Variants in MFAP2 observed in about 807,000 individuals in gnomAD.
MFAP2 encodes microfibril associated protein 2.
A neutral mutation model predicts 30.6 loss-of-function variants in MFAP2; 23 were observed. That is an observed-to-expected ratio of 0.75 (90% CI 0.54 to 1.07). The LOEUF (loss-of-function observed/expected upper bound fraction) is 1.07. MFAP2 is among the 50% of genes least tolerant of loss of function. The pLI, the probability that MFAP2 is intolerant of heterozygous loss-of-function variation, is 0.00. For missense variants in MFAP2, 198 were observed against 223.8 expected, an observed-to-expected ratio of 0.88 and a Z score of 0.74; for synonymous variants, 73 against 85.7, an observed-to-expected ratio of 0.85 and a Z score of 0.82.
intron 1 of MFAP2, among the ~76,000 whole-genome samples, chr1:16,980,267 A>ACACCCCCCCCCCCCCCCCC (rs1557656639): frequency 5.0e-5 from 4 of 80,298 alleles, no homozygotes; most frequent in African/African-American, 2.0e-4. Flanking sequence ...TTCCCACCGG[A>ACACCCCCCCCCCCCCCCCC]CCCCCCCCCC....
chr1:16,975,170 G>T lies in MFAP2; in HGVS notation c.448+99C>A. 7.6e-7 allele frequency: 1 copy of T among 1,312,630 alleles called. No homozygotes were observed. The highest frequency in any genetic ancestry group is 1.1e-6 in the Non-Finnish European group (1 of 925,364). The allele number at this position is 1,312,630 out of a possible 1,614,324, so 81.3% of individuals were successfully genotyped here. ...GGGTGTCCTGGAAGTGGGCCTGGTG[G>T]ATAATATGTGTTGAATAAACATCAG... On this transcript the variant is annotated intron_variant, in intron 8 of 8. Coordinates refer to ENST00000375535, the MANE Select transcript of MFAP2 (RefSeq NM_002403.4). This position sits in a 1 kb window ranked among gnomAD's most constrained non-coding sequence, Gnocchi z 5.0.
At chr1:16,979,237 C>G (rs1377163855) in intron 1 of MFAP2, 1 of 152,302 alleles carries the variant, frequency 6.6e-6, no homozygotes, top group Non-Finnish European at 1.5e-5. Flanking sequence ...CCTCCGGTTC[C>G]CCACATCCAG....
Position 16,976,260 on chromosome 1 carries a change from A to G in MFAP2, c.286+241T>C, listed in dbSNP as rs1180348067. The G allele has an allele frequency of 1.2e-5, 7 of 597,226 alleles. No individual in the cohort carries two copies. In the Admixed American group the frequency reaches 2.1e-4, roughly 18 times the overall value. 37.0% of individuals were successfully genotyped at this position (597,226 alleles called of 1,614,324 possible). On this transcript the variant is annotated intron_variant, in intron 6 of 8. Coordinates refer to ENST00000375535, the MANE Select transcript of MFAP2 (RefSeq NM_002403.4). The surrounding 1 kb of genome is among the most constrained non-coding windows in gnomAD (Gnocchi z 5.5). The stretch of plus-strand genomic sequence containing the variant: ...CTCCCTGCCCCTCCCAGTATCTGTG[A>G]GGTCAGGGGCCTTCCTAGGCTGCCA...
At chr1:16,977,814 A>C in intron 2 of MFAP2, 1 of 170,990 alleles carries the variant, frequency 5.8e-6, no homozygotes, top group Non-Finnish European at 1.2e-5. Flanking sequence ...GTCCTCATTG[A>C]TTCTCTTCAT....
Position 16,975,704 on chromosome 1 carries a change from T to C in MFAP2, c.313A>G (p.Thr105Ala). 6.2e-7 allele frequency: 1 copy of C among 1,608,980 alleles called. No homozygotes were observed. Among genetic ancestry groups the C allele is most frequent in the Non-Finnish European group, 8.5e-7 (1 of 1,177,910 alleles). Residue 105 changes from threonine (T) to alanine (A), a missense_variant, in exon 7 of 9, where the codon ACC (threonine) becomes GCC (alanine). Thr to Ala is a moderately conservative substitution (Grantham distance 58, BLOSUM62 0). Transcript: ENST00000375535. The surrounding 1 kb of genome is among the most constrained non-coding windows in gnomAD (Gnocchi z 5.0). ...GGCCTGTGTATGGAGTAGAGGCGGGTGCACGGGTACTGTTCCTCACGGCAG... is the reference window on the plus strand; with the variant it reads ...GGCCTGTGTATGGAGTAGAGGCGGGCGCACGGGTACTGTTCCTCACGGCAG... ...LDCREEQYPC[T>A]RLYSIHRPCK...
At chr1:16,979,325 G>C (rs9435729) in intron 1 of MFAP2, among the ~76,000 whole-genome samples, 109,183 of 152,138 alleles carry the variant, frequency 0.72, 40,408 homozygotes, top group East Asian at 0.85. Context: ...CCATCCAGGA[G>C]GGCCCCTCCC....
intron 1 of MFAP2, among the ~76,000 whole-genome samples, 158 bp from the exon 2 acceptor site, chr1:16,978,472 C>T (rs1274394894): frequency 6.6e-6 from 1 of 152,134 alleles, no homozygotes; most frequent in Non-Finnish European, 1.5e-5. Context: ...CCCTGCTGGC[C>T]CACCCAGGTG....
intron 3 of MFAP2, 22 bp downstream of exon 3, chr1:16,977,087 G>A (rs1297764430): frequency 2.5e-6 from 4 of 1,613,508 alleles, no homozygotes; most frequent in African/African-American, 1.3e-5. Context: ...GCCAGGCCTC[G>A]GTGACCCGGC....
At chr1:16,977,239 G>A in intron 2 of MFAP2, 41 bp from the exon 3 acceptor site, 1 of 1,597,918 alleles carries the variant, frequency 6.3e-7, no homozygotes, top group Non-Finnish European at 8.5e-7. Flanking sequence ...CATCGGGAGG[G>A]GCAACGGGGG....
upstream of MFAP2, chr1:16,980,984 C>A (rs2076634943): frequency 1.3e-5 from 2 of 153,316 alleles, no homozygotes; most frequent in South Asian, 2.1e-4. Flanking sequence ...AAGCCTCGAT[C>A]TCCCTCTGCC....
In MFAP2 at chr1:16,975,240, G is replaced by C; in HGVS notation, c.448+29C>G. The C allele has an allele frequency of 1.2e-6, 2 of 1,600,432 alleles. No individual in the cohort carries two copies. The highest frequency in any genetic ancestry group is 1.7e-6 in the Non-Finnish European group (2 of 1,169,358). Reference sequence around the variant, plus strand: ...GATAATGATGCGGGTGTGGGGACAGGGGAGGTCTTGGGGAGGTGGCCTTCC... The same window carrying C: ...GATAATGATGCGGGTGTGGGGACAGCGGAGGTCTTGGGGAGGTGGCCTTCC... On this transcript the variant is annotated intron_variant, in intron 8 of 8. Coordinates refer to ENST00000375535, the MANE Select transcript of MFAP2 (RefSeq NM_002403.4). The surrounding 1 kb of genome is among the most constrained non-coding windows in gnomAD (Gnocchi z 5.0).
At chr1:16,979,760 G>A (rs1052985531) in intron 1 of MFAP2, among the ~76,000 whole-genome samples, 8 of 152,220 alleles carry the variant, frequency 5.3e-5, no homozygotes, top group African/African-American at 1.9e-4. Context: ...GATGCCTGTC[G>A]GTACCCTGCG....
intron 3 of MFAP2, 21 bp downstream of exon 3, chr1:16,977,088 G>A (rs773289623): frequency 4.3e-6 from 7 of 1,613,752 alleles, no homozygotes; most frequent in Non-Finnish European, 5.1e-6. Context: ...CCAGGCCTCG[G>A]TGACCCGGCA....
chr1:16,978,081 T>A, intron 2 of MFAP2, 156 bp downstream of exon 2: 1 of 759,178 alleles, frequency 1.3e-6, no homozygotes, highest in Non-Finnish European at 2.1e-6. Context: ...GGTTGGCTGG[T>A]CCAGTCTGTG....
At chr1:16,981,026 TG>T (rs2076635164), upstream of MFAP2, among the ~76,000 whole-genome samples, 3 of 152,144 alleles carry the variant, frequency 2.0e-5, no homozygotes, top group Admixed American at 2.0e-4. Context: ...TCTCCTGCCT[TG>T]GTTTTCCTTC....
intron 2 of MFAP2, 105 bp from the exon 3 acceptor site, chr1:16,977,303 A>G: frequency 4.0e-6 from 4 of 998,922 alleles, no homozygotes; most frequent in Non-Finnish European, 5.9e-6. Context: ...GGCCCATAAG[A>G]GCCTAGGACC....
intron 1 of MFAP2, among the ~76,000 whole-genome samples, chr1:16,979,395 T>G (rs2076618987): frequency 6.6e-6 from 1 of 152,150 alleles, no homozygotes; most frequent in African/African-American, 2.4e-5. Context: ...TTGGTCTATT[T>G]TCCCCACTGG....
intron 3 of MFAP2, 74 bp downstream of exon 3, chr1:16,977,035 G>C: frequency 6.2e-7 from 1 of 1,611,606 alleles, no homozygotes; most frequent in Non-Finnish European, 8.5e-7. Flanking sequence ...TCCCATCAGC[G>C]TGTCCAGTGC....
chr1:16,979,064 G>A (rs1421710548), intron 1 of MFAP2: 1 of 152,302 alleles, frequency 6.6e-6, no homozygotes, highest in Non-Finnish European at 1.5e-5. Context: ...GCACTGAAGG[G>A]GCCGTGACAT....
Sources: gnomAD v4.1 joint callset for allele counts (sites outside exome capture counted in the v4.1 genomes callset) on GRCh38, gnomAD v4.1.1 for gene constraint, Gnocchi (gnomAD v3.1) non-coding constraint, MANE v1.5 for transcripts, NCBI Gene and HGNC (gene_info 2026-07-23, HGNC 2026-07-21) for gene names.